Variants in ASRGL1 observed in about 807,000 individuals in gnomAD.
The protein encoded by ASRGL1 is isoaspartyl peptidase/L-asparaginase.
In ASRGL1, 16 loss-of-function variants were observed where a neutral mutation model predicts 22.4. That is an observed-to-expected ratio of 0.71 (90% CI 0.48 to 1.08). The LOEUF (loss-of-function observed/expected upper bound fraction) is 1.08, where lower values mean the gene tolerates loss of function less well. ASRGL1 is among the 50% of genes least tolerant of loss of function. The pLI is 0.00. For missense variants in ASRGL1, 412 were observed against 410.1 expected (o/e 1.00, Z -0.04); for synonymous variants, 165 against 159.3 (o/e 1.04, Z -0.27).
rs1210286209 is a variant in ASRGL1, at chr11:62,376,519, T to C, written c.492-12614T>C. The stretch of plus-strand genomic sequence containing the variant: ...TTTCCACCAAATCAGTTTTCCTTCA[T>C]GTGGGCTGTTCTTTTTACCAGTAAG... On this transcript the variant is annotated intron_variant, in intron 4 of 6. Coordinates refer to ENST00000415229, the MANE Select transcript of ASRGL1 (RefSeq NM_001083926.2). Among the ~76,000 whole-genome samples, 5 of 152,188 alleles carry C rather than the reference T, an allele frequency of 3.3e-5. No individual in the cohort carries two copies. In the South Asian group the frequency reaches 1.0e-3, roughly 32 times the overall value.
intron 4 of ASRGL1, among the ~76,000 whole-genome samples, chr11:62,379,240 A>G (rs1007667270): frequency 3.3e-5 from 5 of 152,102 alleles, no homozygotes; most frequent in Non-Finnish European, 7.4e-5. Context: ...ATTTAGGCCA[A>G]TTTTTTGGCC....
intron 4 of ASRGL1, among the ~76,000 whole-genome samples, chr11:62,369,566 T>C (rs7112486): frequency 0.77 from 117,114 of 151,932 alleles, 45,435 homozygotes; most frequent in South Asian, 0.84. Flanking sequence ...AGAACAGGCA[T>C]GCAAGGATTA....
chr11:62,373,625 G>C (rs1431667294), intron 4 of ASRGL1, among the ~76,000 whole-genome samples: 1 of 152,212 alleles, frequency 6.6e-6, no homozygotes, highest in African/African-American at 2.4e-5. Flanking sequence ...CGAAGTCGCC[G>C]GCCCACCTCC....
intron 2 of ASRGL1, among the ~76,000 whole-genome samples, chr11:62,339,053 A>T (rs754406644): frequency 6.6e-6 from 1 of 152,180 alleles, no homozygotes; most frequent in Non-Finnish European, 1.5e-5. Context: ...GAGAGAATAA[A>T]TTGTAAATGT....
downstream of ASRGL1, among the ~76,000 whole-genome samples, chr11:62,397,264 G>A (rs1278955286): frequency 3.9e-5 from 6 of 152,020 alleles, no homozygotes; most frequent in Admixed American, 6.5e-5. Flanking sequence ...TCTTGACCTC[G>A]TGATCCTCCC....
At chr11:62,349,960 G>A (rs537380759) in intron 2 of ASRGL1, among the ~76,000 whole-genome samples, 5 of 152,122 alleles carry the variant, frequency 3.3e-5, no homozygotes, top group East Asian at 1.9e-4. Context: ...GGTCACTCTC[G>A]TGGCCATCTT....
At chr11:62,371,024 T>C in intron 4 of ASRGL1, 1 of 469,678 alleles carries the variant, frequency 2.1e-6, no homozygotes. Flanking sequence ...CTGAGTGGGC[T>C]GGAGCCCTCG....
At chr11:62,390,392 C>T (rs768811126) in intron 5 of ASRGL1, among the ~76,000 whole-genome samples, 3 of 152,178 alleles carry the variant, frequency 2.0e-5, no homozygotes, top group African/African-American at 4.8e-5. Flanking sequence ...TCATGGGGGA[C>T]GGTACTAGGC....
At chr11:62,372,148 G>T (rs1206036044) in intron 4 of ASRGL1, 1 of 873,640 alleles carries the variant, frequency 1.1e-6, no homozygotes, top group East Asian at 2.4e-5. Flanking sequence ...GAAATGAGAA[G>T]GCGCAGCTGG....
At chr11:62,365,193 G>A (rs1005307138) in intron 4 of ASRGL1, among the ~76,000 whole-genome samples, 17 of 152,158 alleles carry the variant, frequency 1.1e-4, no homozygotes, top group African/African-American at 2.4e-4. Context: ...TGTAGCATGC[G>A]TATGTCTGGA....
At chr11:62,362,633 A>ATAT (rs1176373697) in intron 4 of ASRGL1, among the ~76,000 whole-genome samples, 10 of 63,822 alleles carry the variant, frequency 1.6e-4, no homozygotes, top group African/African-American at 7.2e-4. Flanking sequence ...TATATAAAAT[A>ATAT]TATATAATAT....
At chr11:62,388,752 G>C (rs368830980) in intron 4 of ASRGL1, among the ~76,000 whole-genome samples, 1 of 150,752 alleles carries the variant, frequency 6.6e-6, no homozygotes, top group Non-Finnish European at 1.5e-5. Flanking sequence ...TTCTCCTCTT[G>C]GTGGCAGCTT....
chr11:62,380,457 C>T (rs1947038196), intron 4 of ASRGL1, among the ~76,000 whole-genome samples: 1 of 152,142 alleles, frequency 6.6e-6, no homozygotes, highest in South Asian at 2.1e-4. Flanking sequence ...CTCTAACTTG[C>T]TCAATGGCCT....
At chr11:62,347,312 A>G (rs1341136268) in intron 2 of ASRGL1, among the ~76,000 whole-genome samples, 2 of 152,160 alleles carry the variant, frequency 1.3e-5, no homozygotes, top group Non-Finnish European at 2.9e-5. Flanking sequence ...TGGCATAGGC[A>G]CAATTGATTA....
intron 4 of ASRGL1, chr11:62,373,077 A>G (rs1427685162): frequency 2.1e-6 from 3 of 1,459,230 alleles, no homozygotes; most frequent in Non-Finnish European, 2.9e-6. Context: ...GCCGGTCGCC[A>G]TGGGCTACTC....
At chr11:62,348,787 G>A (rs535437913) in intron 2 of ASRGL1, among the ~76,000 whole-genome samples, 1 of 152,158 alleles carries the variant, frequency 6.6e-6, no homozygotes, top group Admixed American at 6.5e-5. Flanking sequence ...CAGGGGAGAT[G>A]GTTGGCAGGT....
At chr11:62,385,231 T>C (rs1947173341) in intron 4 of ASRGL1, among the ~76,000 whole-genome samples, 1 of 152,242 alleles carries the variant, frequency 6.6e-6, no homozygotes, top group African/African-American at 2.4e-5. Flanking sequence ...CATTTGTTTA[T>C]GGGTTTTTCC....
At position 62,338,182 on chromosome 11, in the gene ASRGL1, C is replaced by T. The variant is rs1285925310; in HGVS notation, c.190+15C>T. On this transcript the variant is annotated intron_variant, in intron 2 of 6. Transcript: ENST00000415229. ...GTTCAACGCAGGTAAATGTGCCTTT[C>T]AGCTAGTAAATAATGTGAGTCAGGT... The T allele has an allele frequency of 7.2e-6, 11 of 1,534,048 alleles. No individual in the cohort carries two copies. The highest frequency in any genetic ancestry group is 2.8e-5 in the African/African-American group (2 of 72,662).
intron 1 of ASRGL1, 130 bp from the exon 2 acceptor site, chr11:62,337,760 G>T: frequency 2.0e-6 from 1 of 492,886 alleles, no homozygotes; most frequent in East Asian, 3.5e-5. Flanking sequence ...GTCCGGGCCG[G>T]GGGCGGAGAG....
Sources: allele counts gnomAD v4.1 joint callset (sites outside exome capture counted in the v4.1 genomes callset), GRCh38; gene constraint gnomAD v4.1.1; transcripts MANE v1.5; gene names NCBI Gene and HGNC (gene_info 2026-07-23, HGNC 2026-07-21).